ZC3H12B: variants seen among roughly 807,000 people sequenced by gnomAD.
ZC3H12B encodes the protein probable ribonuclease ZC3H12B.
In ZC3H12B, 7 loss-of-function variants were observed where a neutral mutation model predicts 43.9. That is an observed-to-expected ratio of 0.16 (90% CI 0.09 to 0.30). The LOEUF (loss-of-function observed/expected upper bound fraction) is 0.30, where lower values mean the gene tolerates loss of function less well. Among genes scored for constraint, ZC3H12B ranks in the 10% least tolerant of loss-of-function variants. ZC3H12B has a pLI of 1.00. For missense variants in ZC3H12B, 475 were observed against 670.2 expected, an observed-to-expected ratio of 0.71 and a Z score of 3.22; for synonymous variants, 222 against 241.7, an observed-to-expected ratio of 0.92 and a Z score of 0.76.
At chrX:65,163,269 C>T in the ZC3H12B span, among the ~76,000 whole-genome samples, 5 of 111,311 alleles carry the variant, frequency 4.5e-5, no homozygotes, top group Admixed American at 9.6e-5. Flanking sequence ...TCTCCAGCTG[C>T]GTGATGGGAG....
chrX:65,057,930 CCTT>C, the ZC3H12B span, among the ~76,000 whole-genome samples: 1 of 111,919 alleles, frequency 8.9e-6, no homozygotes, highest in East Asian at 2.8e-4. Flanking sequence ...GTTTTCAGCT[CCTT>C]CTGGTCATTT....
At chrX:65,248,429 A>C in the ZC3H12B span, among the ~76,000 whole-genome samples, 1 of 111,957 alleles carries the variant, frequency 8.9e-6, no homozygotes, top group Middle Eastern at 4.6e-3. Context: ...TCTTGGAATA[A>C]GAACTGATGT....
intron 2 of ZC3H12B, among the ~76,000 whole-genome samples, chrX:65,390,342 C>G (rs1988463184): frequency 9.1e-6 from 1 of 110,269 alleles, no homozygotes; most frequent in East Asian, 2.8e-4. Context: ...CAACATGGCA[C>G]AAGTATACAT....
intron 3 of ZC3H12B, among the ~76,000 whole-genome samples, chrX:65,474,080 A>G (rs1056851994): frequency 8.9e-6 from 1 of 111,816 alleles, no homozygotes; most frequent in Non-Finnish European, 1.9e-5. Flanking sequence ...GAAGTCCTCT[A>G]CTATTATTGT....
the ZC3H12B span, among the ~76,000 whole-genome samples, chrX:65,041,583 G>T: frequency 8.9e-6 from 1 of 112,127 alleles, no homozygotes; most frequent in Non-Finnish European, 1.9e-5. Flanking sequence ...ACTGCTTTCA[G>T]ATGTTTTAAA....
chrX:65,501,608 C>A lies in ZC3H12B; in HGVS notation c.1091-181C>A, dbSNP rs916482522. Among the ~76,000 whole-genome samples, 3 of 111,091 alleles carry A rather than the reference C, an allele frequency of 2.7e-5. No individual in the cohort carries two copies. In the Admixed American group the frequency reaches 2.9e-4, roughly 11 times the overall value. ...TCCATAGCTTTCCACTTTCTCTCTC[C>A]CATCACAGTGTATGATGCCTCCTTG... On this transcript the variant is annotated intron_variant, in intron 4 of 4. Transcript: ENST00000338957.
intron 2 of ZC3H12B, among the ~76,000 whole-genome samples, chrX:65,395,580 G>T (rs2066685586): frequency 9.0e-6 from 1 of 111,421 alleles, no homozygotes; most frequent in African/African-American, 3.2e-5. Context: ...TGCTGAATTT[G>T]GTTTGCCAGA....
intron 3 of ZC3H12B, among the ~76,000 whole-genome samples, chrX:65,446,221 G>A (rs2067374443): frequency 8.9e-6 from 1 of 111,896 alleles, no homozygotes; most frequent in Non-Finnish European, 1.9e-5. Context: ...TGACATTCAA[G>A]TTGCAAGACA....
At chrX:65,443,517 C>T (rs1270254857) in intron 3 of ZC3H12B, among the ~76,000 whole-genome samples, 1 of 112,450 alleles carries the variant, frequency 8.9e-6, no homozygotes, top group Non-Finnish European at 1.9e-5. Flanking sequence ...TAATTATTAA[C>T]AGCAAACCAG....
At chrX:65,374,612 G>T (rs1163628948) in intron 2 of ZC3H12B, among the ~76,000 whole-genome samples, 1 of 110,117 alleles carries the variant, frequency 9.1e-6, no homozygotes, top group Non-Finnish European at 1.9e-5. Flanking sequence ...ATAGTATTTG[G>T]TTTTAACTTT....
At chrX:65,293,104 CTAAA>C in the ZC3H12B span, among the ~76,000 whole-genome samples, 1 of 111,899 alleles carries the variant, frequency 8.9e-6, no homozygotes, top group Non-Finnish European at 1.9e-5. Context: ...ACATGATCAT[CTAAA>C]TAAACACAGA....
At chrX:65,417,459 A>C (rs2066974667) in intron 3 of ZC3H12B, among the ~76,000 whole-genome samples, 2 of 112,395 alleles carry the variant, frequency 1.8e-5, no homozygotes, top group South Asian at 7.3e-4. Context: ...AGAATGAAGG[A>C]GCTCTCCTAT....
the ZC3H12B span, among the ~76,000 whole-genome samples, chrX:65,338,203 GCT>G: frequency 9.0e-6 from 1 of 110,894 alleles, no homozygotes; most frequent in Non-Finnish European, 1.9e-5. Flanking sequence ...CTCCCATAAG[GCT>G]CTCTCATAAG....
intron 2 of ZC3H12B, among the ~76,000 whole-genome samples, chrX:65,385,064 G>A (rs1027828294): frequency 8.9e-6 from 1 of 112,129 alleles, no homozygotes; most frequent in Non-Finnish European, 1.9e-5. Flanking sequence ...TTGTAGTATA[G>A]TTTGAAGTCA....
chrX:65,477,165 G>T (rs775871736), intron 3 of ZC3H12B, among the ~76,000 whole-genome samples: 1 of 109,063 alleles, frequency 9.2e-6, no homozygotes, highest in East Asian at 2.9e-4. Flanking sequence ...CCTCCTTCCT[G>T]ATGATTAGGG....
At chrX:65,365,931 C>T (rs920451589), upstream of ZC3H12B, among the ~76,000 whole-genome samples, 2 of 109,773 alleles carry the variant, frequency 1.8e-5, no homozygotes, top group Non-Finnish European at 3.8e-5. Flanking sequence ...TTGGACTCAA[C>T]CCTCCTGCAC....
chrX:65,135,745 G>GT, the ZC3H12B span, among the ~76,000 whole-genome samples: 4 of 75,687 alleles, frequency 5.3e-5, no homozygotes, highest in African/African-American at 1.7e-4. Context: ...CTATTTGTTT[G>GT]TTTTCTTTTT....
chrX:65,224,512 G>T, the ZC3H12B span, among the ~76,000 whole-genome samples: 1 of 112,746 alleles, frequency 8.9e-6, no homozygotes, highest in African/African-American at 3.2e-5. Context: ...GGGAGTGCCA[G>T]ACAGTGGGCG....
chrX:65,236,898 TA>T, the ZC3H12B span, among the ~76,000 whole-genome samples: 7 of 111,978 alleles, frequency 6.3e-5, no homozygotes, highest in Non-Finnish European at 9.4e-5. Flanking sequence ...TATCTTCCAT[TA>T]GTCTATGTGT....
Sources: gnomAD v4.1 joint callset for allele counts (sites outside exome capture counted in the v4.1 genomes callset) on GRCh38, gnomAD v4.1.1 for gene constraint, MANE v1.5 for transcripts, NCBI Gene and HGNC (gene_info 2026-07-23, HGNC 2026-07-21) for gene names.